PSMC3IP: variants seen among roughly 807,000 people sequenced by gnomAD.
The protein encoded by PSMC3IP is homologous-pairing protein 2 homolog.
Under a neutral mutation model 34.9 loss-of-function variants are expected in PSMC3IP, and 26 were observed. The observed-to-expected ratio is 0.74, with a 90% CI of 0.55 to 1.03. The LOEUF (loss-of-function observed/expected upper bound fraction) is 1.03. Among genes scored for constraint, PSMC3IP ranks in the 50% least tolerant of loss-of-function variants. The pLI, the probability that PSMC3IP is intolerant of heterozygous loss-of-function variation, is 0.00. For missense variants in PSMC3IP, 250 were observed against 263.1 expected (o/e 0.95, Z 0.34); for synonymous variants, 87 against 96.5 (o/e 0.90, Z 0.57).
intron 3 of PSMC3IP, among the ~76,000 whole-genome samples, chr17:42,574,812 G>C (rs2093064652): frequency 7.0e-6 from 1 of 143,298 alleles, no homozygotes; most frequent in African/African-American, 2.5e-5. Flanking sequence ...AGAGTGCAGT[G>C]GTGCAATCTT....
chr17:42,577,828 C>G (rs1340706218), upstream of PSMC3IP: 4 of 1,014,226 alleles, frequency 3.9e-6, no homozygotes, highest in East Asian at 1.0e-4. Flanking sequence ...CCCTCCCGGA[C>G]TCCATAGTTC....
rs2093057392 is a variant in PSMC3IP, at chr17:42,574,151, G to A, written c.285C>T (p.Ala95=). 1 of 1,614,170 alleles carries A rather than the reference G, an allele frequency of 6.2e-7. No individual in the cohort carries two copies. The highest frequency in any genetic ancestry group is 2.2e-5 in the East Asian group (1 of 44,880). The change falls in exon 4 of 8, where the codon GCC becomes GCT. Residue 95 remains alanine, a synonymous_variant. Transcript: ENST00000393795. The stretch of plus-strand genomic sequence containing the variant: ...GCAAGCTCTGCACCTTAGCAGTGAG[G>A]GCCACGATTTTGCCATCTAGGACTT... The part of the protein sequence containing the change: ...DLQVLDGKIV[A]LTAKVQSLQQ...
rs369110060 is a variant in PSMC3IP, at chr17:42,573,191, T to C, written c.538-25A>G. 3.7e-6 allele frequency: 6 copies of C among 1,614,050 alleles called. No homozygotes were observed. The African/African-American group carries it at 6.7e-5, about 18-fold the overall frequency. On this transcript the variant is annotated intron_variant, in intron 6 of 7. Coordinates refer to ENST00000393795, the MANE Select transcript of PSMC3IP (RefSeq NM_016556.4). ...CCTGACAAGAAATAAAACCACCCGT[T>C]TTCAGATGGGCAGCACTGGGCACTG...
chr17:42,572,966 C>G lies in PSMC3IP; in HGVS notation c.*2G>C. On this transcript the variant is annotated 3_prime_UTR_variant, in exon 8 of 8. Transcript: ENST00000393795. ...TCCCCACCAGTCCTGACCGTGGGCC[C>G]CTCAGGGGTCTGGGAGTGTGACGTT... is the stretch of plus-strand genomic sequence containing the variant. The G allele has an allele frequency of 6.2e-7, 1 of 1,614,122 alleles. No individual in the cohort carries two copies. Among genetic ancestry groups the G allele is most frequent in the Non-Finnish European group, 8.5e-7 (1 of 1,179,992 alleles).
intron 3 of PSMC3IP, 45 bp from the exon 4 acceptor site, chr17:42,574,255 C>A: frequency 6.3e-7 from 1 of 1,593,358 alleles, no homozygotes; most frequent in East Asian, 2.3e-5. Flanking sequence ...TTGTGAGGCA[C>A]AAAGATGGGA....
At chr17:42,576,802 T>G (rs2093078260) in intron 3 of PSMC3IP, 1 of 311,796 alleles carries the variant, frequency 3.2e-6, no homozygotes, top group South Asian at 2.7e-5. Context: ...AGATGAGGCA[T>G]TCTACTGTGG....
chr17:42,576,993 A>C, intron 3 of PSMC3IP: 1 of 1,124,966 alleles, frequency 8.9e-7, no homozygotes, highest in South Asian at 1.6e-5. Flanking sequence ...GGATCTTGGT[A>C]GCAACAATAC....
chr17:42,574,976 A>ACT (rs1347911929), intron 3 of PSMC3IP, among the ~76,000 whole-genome samples: 1 of 152,024 alleles, frequency 6.6e-6, no homozygotes, highest in South Asian at 2.1e-4. Flanking sequence ...CTGGTCTCAA[A>ACT]CTCCTGGGCT....
At position 42,576,961 on chromosome 17, in the gene PSMC3IP, A is replaced by G. The variant is rs1023374266; in HGVS notation, c.225+252T>C. On this transcript the variant is annotated intron_variant, in intron 3 of 7. Coordinates refer to ENST00000393795, the MANE Select transcript of PSMC3IP (RefSeq NM_016556.4). ...GTGTTGCTAATGTAGATGATAAGGA[A>G]TAAGAGCTTTGGAGCGGAAATGGAT... 9.2e-6 allele frequency: 7 copies of G among 757,942 alleles called. No homozygotes were observed. In the East Asian group the frequency reaches 1.1e-4, roughly 12 times the overall value. The allele number at this position is 757,942 out of a possible 1,614,324, so 47.0% of individuals were successfully genotyped here. A position where few individuals can be genotyped will look rare whatever the true frequency, so the allele number is the denominator to read the frequency against.
chr17:42,575,205 G>C (rs1323411186), intron 3 of PSMC3IP, among the ~76,000 whole-genome samples: 1 of 152,206 alleles, frequency 6.6e-6, no homozygotes, highest in Non-Finnish European at 1.5e-5. Context: ...AAGTATGCCA[G>C]CCAGTGCAGT....
chr17:42,574,038 T>A, intron 4 of PSMC3IP, 61 bp downstream of exon 4: 1 of 1,602,050 alleles, frequency 6.2e-7, no homozygotes, highest in Non-Finnish European at 8.5e-7. Flanking sequence ...CATTTAGTAA[T>A]TCCTGACCTC....
Position 42,572,583 on chromosome 17 carries a change from C to CCAAA in PSMC3IP, c.*384_*385insTTTG. 1 of 453,862 alleles carries CCAAA rather than the reference C, an allele frequency of 2.2e-6. No individual in the cohort carries two copies. Among genetic ancestry groups the CCAAA allele is most frequent in the Non-Finnish European group, 4.4e-6 (1 of 226,476 alleles). The allele number at this position is 453,862 out of a possible 1,614,324, so 28.1% of individuals were successfully genotyped here. Reference sequence around the variant, plus strand: ...ATGCTCGTTTTATAGCAACCTCTCTCTACCCTAGTTCTCCAAATTCACTTC... The same window carrying CCAAA: ...ATGCTCGTTTTATAGCAACCTCTCTCCAAATACCCTAGTTCTCCAAATTCACTTC... On this transcript the variant is annotated 3_prime_UTR_variant, in exon 8 of 8. Transcript: ENST00000393795.
intron 3 of PSMC3IP, among the ~76,000 whole-genome samples, chr17:42,576,119 C>CT (rs1328507880): frequency 5.9e-5 from 9 of 152,152 alleles, no homozygotes; most frequent in African/African-American, 2.2e-4. Flanking sequence ...AAGGTGATGT[C>CT]TAAGTGAAAT....
chr17:42,573,042 A>G lies in PSMC3IP; in HGVS notation c.598-18T>C, dbSNP rs183054464. The stretch of plus-strand genomic sequence containing the variant: ...ACTTCCTCCTGTGAGACAGGGAGAC[A>G]AGTGAATGAGATGTCACCAGGATAA... On this transcript the variant is annotated intron_variant, in intron 7 of 7. Transcript: ENST00000393795. 1 of 1,614,248 alleles carries G rather than the reference A, an allele frequency of 6.2e-7. No homozygotes were observed. The highest frequency in any genetic ancestry group is 8.5e-7 in the Non-Finnish European group (1 of 1,180,026).
At chr17:42,577,141 G>T in intron 3 of PSMC3IP, 72 bp downstream of exon 3, 1 of 1,608,804 alleles carries the variant, frequency 6.2e-7, no homozygotes, top group South Asian at 1.1e-5. Context: ...TGTCCCCAAA[G>T]AGTTCACACC....
chr17:42,576,092 A>G (rs1332613036), intron 3 of PSMC3IP, among the ~76,000 whole-genome samples: 2 of 152,228 alleles, frequency 1.3e-5, no homozygotes, highest in East Asian at 3.8e-4. Context: ...CGGAGCATTC[A>G]AGGAAGATTT....
Position 42,577,585 on chromosome 17 carries a change from G to C in PSMC3IP, c.35-24C>G, listed in dbSNP as rs186641859. 179 of 1,614,140 alleles carry C rather than the reference G, an allele frequency of 1.1e-4. 1 individual carries two copies. In the African/African-American group the frequency reaches 1.5e-3, roughly 14 times the overall value. On this transcript the variant is annotated intron_variant, in intron 1 of 7. Coordinates refer to ENST00000393795, the MANE Select transcript of PSMC3IP (RefSeq NM_016556.4). Reference sequence around the variant, plus strand: ...GGCTACGGAGAGAAAGGCAGGGGAGGGGGCCACTCAACCGACCTCCTCACC... The same window carrying C: ...GGCTACGGAGAGAAAGGCAGGGGAGCGGGCCACTCAACCGACCTCCTCACC...
intron 3 of PSMC3IP, 147 bp from the exon 4 acceptor site, chr17:42,574,357 C>G (rs1052523249): frequency 4.0e-6 from 6 of 1,490,108 alleles, no homozygotes; most frequent in African/African-American, 1.4e-5. Context: ...TGGGAGAGTA[C>G]TTTTGAGAAA....
rs956068670 is a variant in PSMC3IP, at chr17:42,572,703, G to A, written c.*265C>T. On this transcript the variant is annotated 3_prime_UTR_variant, in exon 8 of 8. Transcript: ENST00000393795. ...TAAATTATAATAAATATTGCCAAAT[G>A]CTTTCCTTTAGCATTGTTCCAAGTC... is the stretch of plus-strand genomic sequence containing the variant. 8.2e-5 allele frequency: 45 copies of A among 549,758 alleles called. No individual in the cohort carries two copies. Among genetic ancestry groups the A allele is most frequent in the Admixed American group, 7.9e-4 (36 of 45,600 alleles). The allele number at this position is 549,758 out of a possible 1,614,324, so 34.1% of individuals were successfully genotyped here. A position where few individuals can be genotyped will look rare whatever the true frequency, so the allele number is the denominator to read the frequency against.
Sources: allele counts gnomAD v4.1 joint callset (sites outside exome capture counted in the v4.1 genomes callset), GRCh38; gene constraint gnomAD v4.1.1; transcripts MANE v1.5; gene names NCBI Gene and HGNC (gene_info 2026-07-23, HGNC 2026-07-21).